LRRC37A: variants seen among roughly 807,000 people sequenced by gnomAD.
LRRC37A encodes leucine-rich repeat-containing protein 37A.
Under a neutral mutation model 35.4 loss-of-function variants are expected in LRRC37A, and 3 were observed. The ratio of observed to expected loss-of-function variants is 0.08; its 90% CI spans 0.04 to 0.22. The LOEUF is 0.22. LRRC37A is among the 10% of genes least tolerant of loss of function. LRRC37A has a pLI of 1.00. For synonymous variants in LRRC37A, 23 were observed against 215.0 expected (o/e 0.11, Z 7.81); for missense variants, 67 against 565.3 (o/e 0.12, Z 8.94).
the LRRC37A span, among the ~76,000 whole-genome samples, chr17:46,265,423 A>C: frequency 9.5e-3 from 869 of 91,480 alleles, no homozygotes; most frequent in Middle Eastern, 0.056. Context: ...TCCTCTTCCT[A>C]CTCTTCTTCC....
At chr17:46,265,347 T>C in the LRRC37A span, among the ~76,000 whole-genome samples, 1 of 148,756 alleles carries the variant, frequency 6.7e-6, no homozygotes, top group African/African-American at 2.4e-5. Context: ...CTTCTTCTTC[T>C]TCTTCTCCTC....
At chr17:46,273,694 A>G in the LRRC37A span, among the ~76,000 whole-genome samples, 21 of 152,392 alleles carry the variant, frequency 1.4e-4, no homozygotes, top group Admixed American at 1.3e-3. Context: ...CTATTACCAC[A>G]ATGCAGTAAT....
chr17:46,292,317 G>A (rs1316629614), upstream of LRRC37A, among the ~76,000 whole-genome samples: 1 of 73,286 alleles, frequency 1.4e-5, no homozygotes, highest in East Asian at 2.6e-4. Flanking sequence ...GGGTGACAGA[G>A]CAAGACACTC....
the LRRC37A span, among the ~76,000 whole-genome samples, chr17:46,279,091 C>T: frequency 6.6e-6 from 1 of 152,168 alleles, no homozygotes; most frequent in Non-Finnish European, 1.5e-5. Flanking sequence ...AGCCACTGTT[C>T]CTGGCCCAAT....
the LRRC37A span, among the ~76,000 whole-genome samples, chr17:46,266,546 G>C: frequency 1.3e-5 from 2 of 152,306 alleles, no homozygotes; most frequent in African/African-American, 4.8e-5. Context: ...GGGGACGCGG[G>C]TGTGGAGAAG....
chr17:46,282,286 G>A, the LRRC37A span, among the ~76,000 whole-genome samples: 3 of 151,666 alleles, frequency 2.0e-5, no homozygotes, highest in Non-Finnish European at 2.9e-5. Flanking sequence ...GTTATTTTTA[G>A]TAGAGACGGG....
chr17:46,270,587 C>T, the LRRC37A span, among the ~76,000 whole-genome samples: 1 of 152,186 alleles, frequency 6.6e-6, no homozygotes, highest in Admixed American at 6.5e-5. Flanking sequence ...TAACTCAGGC[C>T]AGTCAAATCA....
At chr17:46,268,038 A>C in the LRRC37A span, among the ~76,000 whole-genome samples, 1 of 151,420 alleles carries the variant, frequency 6.6e-6, no homozygotes, top group African/African-American at 2.4e-5. Flanking sequence ...AGTAGCTGGG[A>C]TTACAGGCTG....
At chr17:46,255,480 C>T in the LRRC37A span, among the ~76,000 whole-genome samples, 1 of 147,572 alleles carries the variant, frequency 6.8e-6, no homozygotes, top group Non-Finnish European at 1.5e-5. Context: ...ATTCTCCTGC[C>T]TCAGCCTACC....
At chr17:46,290,590 G>T (rs1174885896), upstream of LRRC37A, among the ~76,000 whole-genome samples, 1 of 152,034 alleles carries the variant, frequency 6.6e-6, no homozygotes, top group Non-Finnish European at 1.5e-5. Context: ...GGGATTACAG[G>T]TGCCTGCCAC....
chr17:46,250,563 C>G, the LRRC37A span, among the ~76,000 whole-genome samples: 1 of 152,182 alleles, frequency 6.6e-6, no homozygotes, highest in Non-Finnish European at 1.5e-5. Flanking sequence ...ATCTTCCTCC[C>G]GTGCTGGATG....
At chr17:46,254,120 G>A in the LRRC37A span, among the ~76,000 whole-genome samples, 1 of 152,202 alleles carries the variant, frequency 6.6e-6, no homozygotes, top group Non-Finnish European at 1.5e-5. Context: ...CGTGTTCTGG[G>A]TGTGGATTTG....
At chr17:46,287,470 T>C in the LRRC37A span, among the ~76,000 whole-genome samples, 1 of 152,254 alleles carries the variant, frequency 6.6e-6, no homozygotes, top group Non-Finnish European at 1.5e-5. Context: ...ACAAGGACCA[T>C]GCAGGTCAGC....
the LRRC37A span, among the ~76,000 whole-genome samples, chr17:46,270,293 G>A: frequency 1.3e-5 from 2 of 152,200 alleles, no homozygotes; most frequent in Non-Finnish European, 2.9e-5. Flanking sequence ...GGAATCACAG[G>A]AGCCAAGAGG....
intron 5 of LRRC37A, among the ~76,000 whole-genome samples, chr17:46,315,915 T>C (rs2051070533): frequency 1.4e-5 from 1 of 69,724 alleles, no homozygotes. Flanking sequence ...TGTAAGTATC[T>C]TTTTCTTTTT....
At chr17:46,265,302 TC>T in the LRRC37A span, among the ~76,000 whole-genome samples, 1 of 127,776 alleles carries the variant, frequency 7.8e-6, no homozygotes, top group South Asian at 2.4e-4. Context: ...TTCTTCTTCT[TC>T]TTCTTCTTCT....
upstream of LRRC37A, among the ~76,000 whole-genome samples, chr17:46,292,177 C>T: frequency 1.3e-5 from 1 of 79,114 alleles, no homozygotes; most frequent in Non-Finnish European, 3.8e-5. Context: ...ACTAAAAATA[C>T]AAAAATTGGC....
chr17:46,268,637 G>A, the LRRC37A span: 2 of 1,553,274 alleles, frequency 1.3e-6, no homozygotes, highest in Non-Finnish European at 1.7e-6. Flanking sequence ...ATGTGAAAAG[G>A]TTTAACCCAA....
chr17:46,290,271 C>G (rs2050031168), upstream of LRRC37A, among the ~76,000 whole-genome samples: 1 of 152,142 alleles, frequency 6.6e-6, no homozygotes, highest in African/African-American at 2.4e-5. Flanking sequence ...GCTGAGACTA[C>G]AGGTGTGCAT....
Sources: allele counts gnomAD v4.1 joint callset (sites outside exome capture counted in the v4.1 genomes callset), GRCh38; gene constraint gnomAD v4.1.1; transcripts MANE v1.5; gene names NCBI Gene and HGNC (gene_info 2026-07-23, HGNC 2026-07-21).